PID1: variants seen among roughly 807,000 people sequenced by gnomAD.
PID1 encodes the protein PTB-containing, cubilin and LRP1-interacting protein.
PID1 carries 10 observed loss-of-function variants against 19.1 expected under a neutral mutation model. The observed-to-expected ratio is 0.52, with a 90% CI of 0.32 to 0.89. The LOEUF is 0.89. Among genes scored for constraint, PID1 ranks in the 40% least tolerant of loss-of-function variants. PID1 has a pLI of 0.03. For synonymous variants in PID1, 130 were observed against 116.0 expected, an observed-to-expected ratio of 1.12 and a Z score of -0.78; for missense variants, 248 against 285.3, an observed-to-expected ratio of 0.87 and a Z score of 0.94.
chr2:229,254,366 C>A (rs978617504), intron 1 of PID1, among the ~76,000 whole-genome samples: 6 of 152,182 alleles, frequency 3.9e-5, no homozygotes, highest in Non-Finnish European at 8.8e-5. Context: ...ATTTTTTCAA[C>A]TTCTAGGGAC....
chr2:229,121,965 C>T (rs1342566221), intron 2 of PID1, among the ~76,000 whole-genome samples: 2 of 152,076 alleles, frequency 1.3e-5, no homozygotes, highest in East Asian at 3.9e-4. Context: ...TGGCTTTTGA[C>T]AGGGTGATCA....
intron 1 of PID1, among the ~76,000 whole-genome samples, chr2:229,223,700 C>T (rs1692019202): frequency 6.6e-6 from 1 of 152,204 alleles, no homozygotes; most frequent in Non-Finnish European, 1.5e-5. Flanking sequence ...CAGGATTCTG[C>T]ACCTTGGTTT....
intron 1 of PID1, among the ~76,000 whole-genome samples, chr2:229,221,770 C>T (rs988276595): frequency 2.6e-5 from 4 of 152,186 alleles, no homozygotes; most frequent in Non-Finnish European, 5.9e-5. Flanking sequence ...GACCTGACTC[C>T]CAGTAAACTC....
At chr2:229,041,794 C>T (rs370449185) in intron 2 of PID1, among the ~76,000 whole-genome samples, 5 of 152,044 alleles carry the variant, frequency 3.3e-5, no homozygotes, top group East Asian at 1.9e-4. Context: ...CCCAATCTTA[C>T]GGAAATGTTG....
intron 2 of PID1, among the ~76,000 whole-genome samples, chr2:229,041,044 T>C (rs1038394061): frequency 2.0e-5 from 3 of 151,802 alleles, no homozygotes; most frequent in Non-Finnish European, 2.9e-5. Context: ...TACAGGTGAG[T>C]TTGTGTGTAC....
At chr2:229,106,620 A>T (rs534204515) in intron 2 of PID1, among the ~76,000 whole-genome samples, 1 of 152,336 alleles carries the variant, frequency 6.6e-6, no homozygotes, top group South Asian at 2.1e-4. Context: ...GTGAGGACAC[A>T]TAGAAGGCGC....
chr2:229,139,945 A>T (rs1689976436), intron 2 of PID1, among the ~76,000 whole-genome samples: 1 of 152,066 alleles, frequency 6.6e-6, no homozygotes, highest in South Asian at 2.1e-4. Flanking sequence ...GAGGATTTTG[A>T]TCTTGATCAG....
chr2:229,069,758 T>C (rs555711914), intron 2 of PID1, among the ~76,000 whole-genome samples: 1 of 152,324 alleles, frequency 6.6e-6, no homozygotes, highest in East Asian at 1.9e-4. Context: ...CAATCGCCTG[T>C]ATTACAAGCT....
intron 1 of PID1, among the ~76,000 whole-genome samples, chr2:229,245,656 A>G (rs1199790290): frequency 6.6e-6 from 1 of 152,134 alleles, no homozygotes; most frequent in Non-Finnish European, 1.5e-5. Flanking sequence ...ACTTGAACGT[A>G]TTTTATAGTT....
intron 1 of PID1, among the ~76,000 whole-genome samples, chr2:229,211,168 G>A (rs1171766000): frequency 6.6e-6 from 1 of 152,198 alleles, no homozygotes; most frequent in Non-Finnish European, 1.5e-5. Flanking sequence ...ACAAATAGGA[G>A]AGGCTGGTTT....
chr2:229,127,231 G>C (rs1695640347), intron 2 of PID1, among the ~76,000 whole-genome samples: 1 of 152,186 alleles, frequency 6.6e-6, no homozygotes, highest in Non-Finnish European at 1.5e-5. Flanking sequence ...TCTCTTGCTG[G>C]CTGGGACATA....
At chr2:229,104,223 C>T (rs571086598) in intron 2 of PID1, among the ~76,000 whole-genome samples, 1 of 152,276 alleles carries the variant, frequency 6.6e-6, no homozygotes, top group Admixed American at 6.5e-5. Flanking sequence ...CTACAGACAA[C>T]CTTTCACCTA....
chr2:229,156,820 C>G (rs1294896774), intron 1 of PID1, among the ~76,000 whole-genome samples: 2 of 152,158 alleles, frequency 1.3e-5, no homozygotes, highest in African/African-American at 4.8e-5. Flanking sequence ...GATTCAAGGA[C>G]CTACTACCTC....
intron 2 of PID1, among the ~76,000 whole-genome samples, chr2:229,131,172 T>C (rs1689731760): frequency 6.6e-6 from 1 of 152,130 alleles, no homozygotes; most frequent in Non-Finnish European, 1.5e-5. Context: ...CATCGGAGCA[T>C]AAACACTTTA....
At chr2:229,165,977 A>G (rs1456852664) in intron 1 of PID1, among the ~76,000 whole-genome samples, 1 of 152,226 alleles carries the variant, frequency 6.6e-6, no homozygotes, top group African/African-American at 2.4e-5. Context: ...GCAATGAAAA[A>G]TTAGCAATGA....
intron 2 of PID1, among the ~76,000 whole-genome samples, chr2:229,116,075 A>T (rs1695406040): frequency 6.6e-6 from 1 of 152,040 alleles, no homozygotes; most frequent in Non-Finnish European, 1.5e-5. Flanking sequence ...TACAAAAAAA[A>T]AATTAGCTGG....
At chr2:229,168,940 G>T (rs1206837491) in intron 1 of PID1, among the ~76,000 whole-genome samples, 1 of 152,146 alleles carries the variant, frequency 6.6e-6, no homozygotes, top group African/African-American at 2.4e-5. Flanking sequence ...TTAAGGTGGA[G>T]TCTGGTTTGC....
At chr2:229,151,554 T>A (rs79784721) in intron 2 of PID1, among the ~76,000 whole-genome samples, 1 of 152,078 alleles carries the variant, frequency 6.6e-6, no homozygotes, top group African/African-American at 2.4e-5. Flanking sequence ...AGTTCTGTGT[T>A]ATTAAGACTT....
intron 1 of PID1, among the ~76,000 whole-genome samples, chr2:229,206,295 A>G (rs181577081): frequency 4.2e-5 from 6 of 143,892 alleles, no homozygotes; most frequent in South Asian, 2.5e-4. Context: ...AACTATCAAG[A>G]CTAATGGTTA....
Sources: gnomAD v4.1 joint callset for allele counts (sites outside exome capture counted in the v4.1 genomes callset) on GRCh38, gnomAD v4.1.1 for gene constraint, MANE v1.5 for transcripts, NCBI Gene and HGNC (gene_info 2026-07-23, HGNC 2026-07-21) for gene names.